The following ARHGEF28 variants were observed in gnomAD, a reference collection of about 807,000 sequenced individuals.
ARHGEF28 encodes the protein Rho guanine nucleotide exchange factor 28.
A neutral mutation model predicts 206.6 loss-of-function variants in ARHGEF28; 152 were observed. The observed-to-expected ratio is 0.74, with a 90% CI of 0.64 to 0.84. The LOEUF (loss-of-function observed/expected upper bound fraction) is 0.84, where lower values mean the gene tolerates loss of function less well. ARHGEF28 is among the 40% of genes least tolerant of loss of function. The probability of loss-of-function intolerance (pLI) is 0.00; values close to 1 mark genes in which losing one functional copy is unlikely to be tolerated. For missense variants in ARHGEF28, 2,028 were observed against 2,073.2 expected, an observed-to-expected ratio of 0.98 and a Z score of 0.42; for synonymous variants, 763 against 776.4, an observed-to-expected ratio of 0.98 and a Z score of 0.29.
At chr5:73,685,017 T>A in intron 2 of ARHGEF28, 133 bp downstream of exon 2, 1 of 816,548 alleles carries the variant, frequency 1.2e-6, no homozygotes, top group Non-Finnish European at 1.8e-6. Context: ...TGAGCGTTAC[T>A]GTCTAGTTCA....
chr5:73,722,489 A>G (rs1750021105), intron 2 of ARHGEF28, among the ~76,000 whole-genome samples: 2 of 152,380 alleles, frequency 1.3e-5, no homozygotes, highest in South Asian at 2.1e-4. Flanking sequence ...AAGTTTTCAC[A>G]TTACCATTTG....
In ARHGEF28 at chr5:73,873,230, ATAT is replaced by A; in HGVS notation, c.2800_2802del (p.Ile934del). 1.2e-6 allele frequency: 2 copies of A among 1,610,590 alleles called. No individual in the cohort carries two copies. The highest frequency in any genetic ancestry group is 1.7e-6 in the Non-Finnish European group (2 of 1,178,164). Reference sequence around the variant, plus strand: ...AATTTTGTGATCGACCGAATTGGAGATATTTTGGTACAACAGGTAAGAAGAGCT... The same window carrying A: ...AATTTTGTGATCGACCGAATTGGAGATTTGGTACAACAGGTAAGAAGAGCT... On this transcript the variant is annotated inframe_deletion, in exon 22 of 36. Coordinates refer to ENST00000513042, the MANE Select transcript of ARHGEF28 (RefSeq NM_001177693.2).
chr5:73,819,997 A>G (rs1006500548), intron 9 of ARHGEF28, among the ~76,000 whole-genome samples: 2 of 151,946 alleles, frequency 1.3e-5, no homozygotes, highest in African/African-American at 4.8e-5. Context: ...CTGTTATTAA[A>G]CCTCTATACC....
chr5:73,923,477 A>G (rs1763632032), intron 35 of ARHGEF28, among the ~76,000 whole-genome samples: 1 of 150,798 alleles, frequency 6.6e-6, no homozygotes, highest in Non-Finnish European at 1.5e-5. Context: ...TCTTGGCAAG[A>G]CTACAGAGGG....
rs1302265793 is a variant in ARHGEF28 at position 73,795,364 on chromosome 5, C to T, written c.997C>T (p.His333Tyr). 2 of 1,613,686 alleles carry T rather than the reference C, an allele frequency of 1.2e-6. No homozygotes were observed. Among genetic ancestry groups the T allele is most frequent in the East Asian group, 2.2e-5 (1 of 44,882 alleles). Residue 333 changes from histidine to tyrosine, a missense_variant, in exon 9 of 36, where the codon CAT becomes TAT. Around this residue, in one of 3 missense-constraint regions of ARHGEF28, gnomAD observed 1,002 missense variants for 1,015.3 expected, o/e 0.99. Transcript: ENST00000513042. ...AAGCCTGGTGGTTCAACACAATGAA[C>T]ATGAAGACCAGCACAGCCTAGATTT... ...VKSLVVQHNEHEDQHSLDLDR... is the reference protein window; with the variant it reads ...VKSLVVQHNEYEDQHSLDLDR...
chr5:73,661,333 A>C (rs954797690), intron 1 of ARHGEF28, among the ~76,000 whole-genome samples: 1 of 152,150 alleles, frequency 6.6e-6, no homozygotes, highest in African/African-American at 2.4e-5. Context: ...ATTAGGCTTT[A>C]GCTTAAGGGA....
chr5:73,850,180 T>G (rs1242539548), intron 13 of ARHGEF28, among the ~76,000 whole-genome samples: 1 of 151,812 alleles, frequency 6.6e-6, no homozygotes, highest in Admixed American at 6.6e-5. Flanking sequence ...ATATGCTAGA[T>G]GTTCAATAAA....
At chr5:73,913,136 C>T (rs954354333) in intron 35 of ARHGEF28, among the ~76,000 whole-genome samples, 1 of 152,198 alleles carries the variant, frequency 6.6e-6, no homozygotes, top group South Asian at 2.1e-4. Context: ...GAATTAGAGC[C>T]AAAGGAAATG....
At chr5:73,742,819 A>C in intron 2 of ARHGEF28, among the ~76,000 whole-genome samples, 1 of 144,176 alleles carries the variant, frequency 6.9e-6, no homozygotes, top group Non-Finnish European at 1.5e-5. Context: ...CGACAGAGCG[A>C]GACTCCGTCT....
In ARHGEF28 at chr5:73,904,381, A is replaced by C. The variant is rs1220785785; in HGVS notation, c.4137A>C (p.Leu1379Phe). Residue 1379 changes from leucine to phenylalanine, a missense_variant, in exon 33 of 36, where the codon TTA becomes TTC. Physicochemically the swap from Leu to Phe is conservative, Grantham distance 22. Coordinates refer to ENST00000513042, the MANE Select transcript of ARHGEF28 (RefSeq NM_001177693.2). ...QSEIIQAIQN[L>F]TRLLYSLQAA... The stretch of plus-strand genomic sequence containing the variant: ...AGATTATACAAGCCATACAGAATTT[A>C]ACCCGTCTCTTATACAGCCTTCAGG... 6.2e-7 allele frequency: 1 copy of C among 1,612,838 alleles called. No individual in the cohort carries two copies. The highest frequency in any genetic ancestry group is 1.1e-5 in the South Asian group (1 of 90,992).
intron 9 of ARHGEF28, among the ~76,000 whole-genome samples, chr5:73,825,212 A>G (rs1012971814): frequency 6.6e-6 from 1 of 152,234 alleles, no homozygotes; most frequent in African/African-American, 2.4e-5. Flanking sequence ...GGTAAGGGGC[A>G]TGAGTGAAAA....
At chr5:73,829,598 T>C (rs113618995) in intron 9 of ARHGEF28, among the ~76,000 whole-genome samples, 3,948 of 152,152 alleles carry the variant, frequency 0.026, 91 homozygotes, top group Non-Finnish European at 0.038. Context: ...GCCAGGATGG[T>C]CTCGATCTCC....
chr5:73,731,274 G>T (rs1404128508), intron 2 of ARHGEF28, among the ~76,000 whole-genome samples: 1 of 152,130 alleles, frequency 6.6e-6, no homozygotes, highest in East Asian at 1.9e-4. Context: ...ACAAAATGCG[G>T]ATCTGTGTCT....
chr5:73,797,920 T>A (rs1172817915), intron 9 of ARHGEF28, among the ~76,000 whole-genome samples: 1 of 152,226 alleles, frequency 6.6e-6, no homozygotes, highest in African/African-American at 2.4e-5. Context: ...TGTAGTAGCC[T>A]GTGGCCACCT....
At chr5:73,716,405 C>T (rs1424383027) in intron 2 of ARHGEF28, among the ~76,000 whole-genome samples, 2 of 152,106 alleles carry the variant, frequency 1.3e-5, no homozygotes, top group African/African-American at 4.8e-5. Context: ...CCTGTTGTGG[C>T]CTGGATTTTG....
chr5:73,785,189 A>G (rs943471880), intron 7 of ARHGEF28, among the ~76,000 whole-genome samples: 6 of 152,244 alleles, frequency 3.9e-5, no homozygotes, highest in Non-Finnish European at 8.8e-5. Flanking sequence ...GCTACTGTAT[A>G]TGAAACTCCC....
At chr5:73,859,387 G>A (rs1245372259) in intron 16 of ARHGEF28, among the ~76,000 whole-genome samples, 1 of 152,190 alleles carries the variant, frequency 6.6e-6, no homozygotes, top group Non-Finnish European at 1.5e-5. Context: ...AGGGAACAGA[G>A]GAGCAGGGGA....
intron 35 of ARHGEF28, among the ~76,000 whole-genome samples, chr5:73,934,616 A>G (rs938347003): frequency 9.1e-4 from 138 of 152,254 alleles, no homozygotes; most frequent in African/African-American, 3.2e-3. Context: ...TCTTTAATAG[A>G]CTTCTAATTC....
chr5:73,648,274 G>T (rs2544641), intron 1 of ARHGEF28, among the ~76,000 whole-genome samples: 28,704 of 152,052 alleles, frequency 0.19, 3,182 homozygotes, highest in Non-Finnish European at 0.25. Flanking sequence ...CAGTGTCTGG[G>T]AAATCCATAT....
Sources: gnomAD v4.1 joint callset for allele counts (sites outside exome capture counted in the v4.1 genomes callset) on GRCh38, gnomAD v4.1.1 for gene constraint, gnomAD v4.1.1 regional missense constraint, MANE v1.5 for transcripts, NCBI Gene and HGNC (gene_info 2026-07-23, HGNC 2026-07-21) for gene names.